MCU: variants seen among roughly 807,000 people sequenced by gnomAD.
MCU encodes mitochondrial calcium uniporter.
In MCU, 12 loss-of-function variants were observed where a neutral mutation model predicts 45.2. The ratio of observed to expected loss-of-function variants is 0.27; its 90% confidence interval spans 0.17 to 0.43. The LOEUF (loss-of-function observed/expected upper bound fraction) is 0.43, where lower values mean the gene tolerates loss of function less well. MCU is among the 20% of genes least tolerant of loss of function. The pLI is 1.00. For missense variants in MCU, 324 were observed against 436.7 expected, an observed-to-expected ratio of 0.74 and a Z score of 2.30; for synonymous variants, 160 against 165.1, an observed-to-expected ratio of 0.97 and a Z score of 0.24.
At chr10:72,826,659 G>A (rs193016708) in intron 1 of MCU, among the ~76,000 whole-genome samples, 75 of 152,294 alleles carry the variant, frequency 4.9e-4, no homozygotes, top group Non-Finnish European at 8.4e-4. Context: ...AATTCTTTAA[G>A]CCAACTACAT....
At chr10:72,738,321 A>G (rs770869344) in intron 1 of MCU, among the ~76,000 whole-genome samples, 130 of 152,174 alleles carry the variant, frequency 8.5e-4, no homozygotes, top group Non-Finnish European at 1.6e-4. Context: ...TGAAGAAGAG[A>G]GCCAATCATG....
At chr10:72,801,926 G>A (rs1844348766) in intron 1 of MCU, among the ~76,000 whole-genome samples, 1 of 151,968 alleles carries the variant, frequency 6.6e-6, no homozygotes, top group Non-Finnish European at 1.5e-5. Flanking sequence ...ACCCACCTCG[G>A]CCTCCCAAAG....
At chr10:72,791,989 C>T (rs2132765701) in intron 1 of MCU, among the ~76,000 whole-genome samples, 1 of 152,274 alleles carries the variant, frequency 6.6e-6, no homozygotes, top group East Asian at 1.9e-4. Flanking sequence ...CTTCCACTTC[C>T]TAGCTGTTTG....
intron 3 of MCU, chr10:72,860,150 A>G: frequency 2.9e-6 from 1 of 347,790 alleles, no homozygotes. Context: ...CAGTGACCCT[A>G]GATTTCCAAT....
At chr10:72,801,666 C>CT (rs1355666803) in intron 1 of MCU, among the ~76,000 whole-genome samples, 2 of 147,650 alleles carry the variant, frequency 1.4e-5, no homozygotes, top group African/African-American at 5.1e-5. Flanking sequence ...CTAGGTAACT[C>CT]TTTTTTTCTT....
chr10:72,827,516 C>T (rs866255396), intron 1 of MCU, among the ~76,000 whole-genome samples: 1 of 152,106 alleles, frequency 6.6e-6, no homozygotes, highest in Non-Finnish European at 1.5e-5. Flanking sequence ...TAAAGAGATA[C>T]TTTTTTAAAA....
chr10:72,768,309 T>C (rs1843757158), intron 1 of MCU, among the ~76,000 whole-genome samples: 1 of 152,218 alleles, frequency 6.6e-6, no homozygotes, highest in Non-Finnish European at 1.5e-5. Context: ...GATAGACATA[T>C]GGTTTGTAGT....
At chr10:72,703,726 G>A (rs1443310072) in intron 1 of MCU, among the ~76,000 whole-genome samples, 1 of 151,960 alleles carries the variant, frequency 6.6e-6, no homozygotes, top group Non-Finnish European at 1.5e-5. Context: ...GCAACATGGT[G>A]AAACCAACCT....
At chr10:72,739,384 C>G (rs576544424) in intron 1 of MCU, among the ~76,000 whole-genome samples, 1 of 152,094 alleles carries the variant, frequency 6.6e-6, no homozygotes, top group Non-Finnish European at 1.5e-5. Flanking sequence ...TTTTAAAAAT[C>G]CTGTATTGGG....
intron 1 of MCU, among the ~76,000 whole-genome samples, chr10:72,832,129 C>T (rs901631662): frequency 4.6e-5 from 7 of 152,164 alleles, no homozygotes; most frequent in Middle Eastern, 3.4e-3. Flanking sequence ...TGCAACGGCA[C>T]GATCATAGAT....
chr10:72,843,018 A>G (rs1845068787), intron 2 of MCU, among the ~76,000 whole-genome samples: 1 of 152,126 alleles, frequency 6.6e-6, no homozygotes, highest in African/African-American at 2.4e-5. Flanking sequence ...TTTTAAGAGC[A>G]GTTTTATGTT....
chr10:72,711,299 C>T (rs536043855), intron 1 of MCU, among the ~76,000 whole-genome samples: 13 of 146,440 alleles, frequency 8.9e-5, no homozygotes, highest in South Asian at 4.3e-4. Context: ...CGGCTCGCTG[C>T]GATCTCCACT....
chr10:72,793,734 T>G (rs1844202650), intron 1 of MCU, among the ~76,000 whole-genome samples: 1 of 152,094 alleles, frequency 6.6e-6, no homozygotes, highest in African/African-American at 2.4e-5. Flanking sequence ...CTGTGTGACT[T>G]AGATTTCCTA....
At chr10:72,702,409 G>A (rs996906148) in intron 1 of MCU, among the ~76,000 whole-genome samples, 6 of 152,130 alleles carry the variant, frequency 3.9e-5, no homozygotes, top group African/African-American at 1.4e-4. Context: ...CCATTGTACA[G>A]ATGGAAAATG....
chr10:72,875,367 G>A (rs1012893166), intron 6 of MCU, among the ~76,000 whole-genome samples: 1 of 152,026 alleles, frequency 6.6e-6, no homozygotes, highest in Non-Finnish European at 1.5e-5. Flanking sequence ...CTCCCTTCTC[G>A]TCATGCTGTA....
intron 2 of MCU, among the ~76,000 whole-genome samples, chr10:72,844,174 G>A (rs1382877554): frequency 6.6e-6 from 1 of 152,026 alleles, no homozygotes; most frequent in Non-Finnish European, 1.5e-5. Context: ...ATCACCTTAG[G>A]TCAGGAGTTC....
At chr10:72,827,762 T>G (rs1844819649) in intron 1 of MCU, among the ~76,000 whole-genome samples, 1 of 152,224 alleles carries the variant, frequency 6.6e-6, no homozygotes, top group African/African-American at 2.4e-5. Flanking sequence ...ATAGTTTTAT[T>G]GTTATCATTG....
At chr10:72,805,163 C>CTTTCTTTT (rs1187966928) in intron 1 of MCU, among the ~76,000 whole-genome samples, 4 of 134,670 alleles carry the variant, frequency 3.0e-5, no homozygotes, top group Admixed American at 7.4e-5. Flanking sequence ...TTCTTTCTGT[C>CTTTCTTTT]TCTCTCTCTC....
chr10:72,774,986 C>T (rs1265029670), intron 1 of MCU, among the ~76,000 whole-genome samples: 2 of 152,006 alleles, frequency 1.3e-5, no homozygotes, highest in African/African-American at 4.8e-5. Flanking sequence ...CAGTAATGGG[C>T]AGATCATCCA....
Sources: allele counts gnomAD v4.1 joint callset (sites outside exome capture counted in the v4.1 genomes callset), GRCh38; gene constraint gnomAD v4.1.1; transcripts MANE v1.5; gene names NCBI Gene and HGNC (gene_info 2026-07-23, HGNC 2026-07-21).